The following NBPF12 variants were observed in gnomAD, a reference collection of about 807,000 sequenced individuals.
NBPF12 encodes the protein NBPF member 12, also known as NBPF family member NBPF12.
NBPF12 carries 115 observed loss-of-function variants against 146.4 expected under a neutral mutation model. The ratio of observed to expected loss-of-function variants is 0.79; its 90% CI spans 0.68 to 0.92. NBPF12 has a LOEUF of 0.92. Among genes scored for constraint, NBPF12 ranks in the 40% least tolerant of loss-of-function variants. The pLI is 0.00. For missense variants in NBPF12, 1,205 were observed against 1,326.8 expected, an observed-to-expected ratio of 0.91 and a Z score of 1.43; for synonymous variants, 385 against 508.9, an observed-to-expected ratio of 0.76 and a Z score of 3.28.
intron 19 of NBPF12, among the ~76,000 whole-genome samples, chr1:146,981,432 C>A: frequency 6.6e-6 from 1 of 151,316 alleles, no homozygotes; most frequent in Non-Finnish European, 1.5e-5. Context: ...TGCTGCTAGT[C>A]TGATGGGCTT....
rs76196019 is a variant in NBPF12, at chr1:146,994,418, T to G, written c.4217T>G (p.Phe1406Cys). ...TGTTATTCGACTCCATCAATGTACT[T>G]TGAACTACCTGACTCATTCCAGCAC... The change falls in exon 34 of 34, where the codon TTT becomes TGT. Residue 1406 changes from phenylalanine to cysteine, a missense_variant. By Grantham distance (205) the Phe-to-Cys change is radical. This residue lies in a region of NBPF12 where 210 missense variants were observed against 94.4 expected (regional missense o/e 2.22). Transcript: ENST00000617844. 1.9e-6 allele frequency: 3 copies of G among 1,612,168 alleles called. No individual in the cohort carries two copies. The South Asian group carries it at 3.3e-5, about 18-fold the overall frequency.
At chr1:146,966,602 T>C in exon 9 of NBPF12, 1 of 1,495,708 alleles carries the variant, frequency 6.7e-7, no homozygotes, top group Non-Finnish European at 9.3e-7. Flanking sequence ...AAACAGCAGT[T>C]CAGAAGCCTC....
At chr1:146,971,274 T>C (rs1656594192) in exon 13 of NBPF12, 3 of 1,612,240 alleles carry the variant, frequency 1.9e-6, no homozygotes, top group Non-Finnish European at 1.7e-6. Flanking sequence ...CCCTTGTGAC[T>C]CCAACCAGCC....
At chr1:146,976,614 G>A (rs1191507259) in intron 16 of NBPF12, among the ~76,000 whole-genome samples, 1 of 150,328 alleles carries the variant, frequency 6.7e-6, no homozygotes, top group South Asian at 2.1e-4. Flanking sequence ...CCTGTTCCTG[G>A]GAATCAGATC....
chr1:146,995,894 T>C (rs1553890490), exon 34 of NBPF12: 2 of 150,518 alleles, frequency 1.3e-5, no homozygotes, highest in African/African-American at 5.0e-5. Flanking sequence ...CTAAACATTT[T>C]ATCATTTATT....
At chr1:146,970,844 T>A in intron 12 of NBPF12, 125 bp downstream of exon 15, 1 of 1,040,604 alleles carries the variant, frequency 9.6e-7, no homozygotes, top group Non-Finnish European at 1.5e-6. Flanking sequence ...TATGTGAAAT[T>A]CAACCCAGCT....
At chr1:146,978,117 C>G (rs1299673045) in intron 18 of NBPF12, among the ~76,000 whole-genome samples, 1 of 151,740 alleles carries the variant, frequency 6.6e-6, no homozygotes, top group Non-Finnish European at 1.5e-5. Context: ...AGTCAGCTTG[C>G]TTAGCTGCAC....
intron 14 of NBPF12, among the ~76,000 whole-genome samples, chr1:146,973,960 T>A (rs1236571288): frequency 6.6e-6 from 1 of 150,898 alleles, no homozygotes; most frequent in Non-Finnish European, 1.5e-5. Context: ...TGGGCCTGTC[T>A]CCTGGGCTCC....
Position 146,966,416 on chromosome 1 carries a change from A to G in NBPF12, c.779-48A>G, listed in dbSNP as rs1274574309. 1.9e-5 allele frequency: 25 copies of G among 1,343,226 alleles called. No individual in the cohort carries two copies. In the East Asian group the frequency reaches 5.1e-4, roughly 27 times the overall value. The allele number at this position is 1,343,226 out of a possible 1,614,324, so 83.2% of individuals were successfully genotyped here. A position where few individuals can be genotyped will look rare whatever the true frequency, so the allele number is the denominator to read the frequency against. ...CCTCAGTCCTGATTAAGCCTACTTG[A>G]TTTCACCAGTTTTTAACCCATCATG... On this transcript the variant is annotated intron_variant, in intron 8 of 33. Coordinates refer to ENST00000617844, the Ensembl canonical transcript of NBPF12.
exon 8 of NBPF12, chr1:146,965,104 G>C (rs1553885445): frequency 5.7e-6 from 9 of 1,573,730 alleles, no homozygotes; most frequent in Non-Finnish European, 7.8e-6. Flanking sequence ...CATTCTCCCA[G>C]GTAGCCTCTA....
At chr1:146,971,046 C>G (rs1656578572) in intron 12 of NBPF12, 137 bp from the exon 16 acceptor site, 2 of 1,370,136 alleles carry the variant, frequency 1.5e-6, no homozygotes, top group Non-Finnish European at 2.1e-6. Flanking sequence ...ATTGCCTGTT[C>G]CCTCTTAAAG....
chr1:146,965,486 C>A (rs1179137006), intron 8 of NBPF12, among the ~76,000 whole-genome samples: 1 of 151,076 alleles, frequency 6.6e-6, no homozygotes, highest in Non-Finnish European at 1.5e-5. Context: ...CTTGTCTTAG[C>A]TATTAATAAG....
At position 146,950,226 on chromosome 1, in the gene NBPF12, A is replaced by G. The variant is rs1297619597; in HGVS notation, c.-326+804A>G. Among the ~76,000 whole-genome samples the G allele has an allele frequency of 1.0e-2, 1,516 of 151,638 alleles. 11 individuals carry two copies. The highest frequency in any genetic ancestry group is 0.016 in the Non-Finnish European group (1,102 of 67,920). ...ACATGAAAAATGTCATGTAGACCACATCAGATCAAAAGTTTAAAATCCCAT... is the reference window on the plus strand; with the variant it reads ...ACATGAAAAATGTCATGTAGACCACGTCAGATCAAAAGTTTAAAATCCCAT... On this transcript the variant is annotated intron_variant, in intron 1 of 33. Transcript: ENST00000617844.
chr1:146,982,766 C>A (rs1477646674), intron 19 of NBPF12, among the ~76,000 whole-genome samples, 162 bp from the exon 23 acceptor site: 2 of 151,632 alleles, frequency 1.3e-5, no homozygotes, highest in Non-Finnish European at 2.9e-5. Context: ...AGTCACCCTC[C>A]ACCCTGTATT....
chr1:146,971,712 A>C (rs1656626736), intron 13 of NBPF12, among the ~76,000 whole-genome samples: 2 of 150,544 alleles, frequency 1.3e-5, no homozygotes, highest in Admixed American at 6.6e-5. Context: ...ATCGGCTAAC[A>C]CGATCCTCCC....
intron 11 of NBPF12, among the ~76,000 whole-genome samples, chr1:146,970,129 G>T (rs1190919807): frequency 6.6e-6 from 1 of 150,782 alleles, no homozygotes; most frequent in Non-Finnish European, 1.5e-5. Flanking sequence ...GGCACTTGAT[G>T]TGGGGGCATT....
chr1:146,951,274 T>C, intron 1 of NBPF12, 74 bp from the exon 5 acceptor site: 1 of 714,804 alleles, frequency 1.4e-6, no homozygotes, highest in Non-Finnish European at 2.5e-6. Context: ...CCTGGGGTCA[T>C]GGTAAGAAAG....
At chr1:146,995,899 T>C (rs1303025471) in exon 34 of NBPF12, 1 of 150,606 alleles carries the variant, frequency 6.6e-6, no homozygotes, top group Non-Finnish European at 1.5e-5. Context: ...CATTTTATCA[T>C]TTATTAATCC....
chr1:146,981,240 T>C (rs1307751603), intron 19 of NBPF12, among the ~76,000 whole-genome samples: 5 of 131,432 alleles, frequency 3.8e-5, no homozygotes, highest in Middle Eastern at 4.1e-3. Context: ...GTAACTAAGC[T>C]GCACGTTGTG....
Sources: gnomAD v4.1 joint callset for allele counts (sites outside exome capture counted in the v4.1 genomes callset) on GRCh38, gnomAD v4.1.1 for gene constraint, gnomAD v4.1.1 regional missense constraint, MANE v1.5 for transcripts, NCBI Gene and HGNC (gene_info 2026-07-23, HGNC 2026-07-21) for gene names.